The following GRM7 variants were observed in gnomAD, a reference collection of about 807,000 sequenced individuals.
GRM7 encodes the protein metabotropic glutamate receptor 7.
Under a neutral mutation model 84.5 loss-of-function variants are expected in GRM7, and 35 were observed. That is an observed-to-expected ratio of 0.41 (90% CI 0.32 to 0.55). The LOEUF is 0.55. Among genes scored for constraint, GRM7 ranks in the 20% least tolerant of loss-of-function variants. GRM7 has a pLI of 0.19. For synonymous variants in GRM7, 487 were observed against 455.1 expected (o/e 1.07, Z -0.89); for missense variants, 1,003 against 1,194.6 (o/e 0.84, Z 2.36).
chr3:7,271,420 G>A (rs990373665), intron 2 of GRM7, among the ~76,000 whole-genome samples: 4 of 151,820 alleles, frequency 2.6e-5, no homozygotes, highest in Non-Finnish European at 4.4e-5. Context: ...TTAGCCGGGC[G>A]TGGTGGCGGG....
intron 2 of GRM7, among the ~76,000 whole-genome samples, chr3:7,253,478 A>G (rs772894476): frequency 1.3e-5 from 2 of 151,832 alleles, no homozygotes; most frequent in African/African-American, 2.4e-5. Flanking sequence ...TTAGCCAGGC[A>G]TGGTGGTGGG....
intron 2 of GRM7, among the ~76,000 whole-genome samples, chr3:7,298,378 C>T (rs1246207511): frequency 6.6e-5 from 10 of 152,124 alleles, no homozygotes; most frequent in African/African-American, 2.4e-4. Context: ...CCTTCTTCAA[C>T]CCAGCCACTT....
intron 7 of GRM7, among the ~76,000 whole-genome samples, chr3:7,540,328 C>T (rs1224124744): frequency 6.6e-6 from 1 of 152,084 alleles, no homozygotes; most frequent in Non-Finnish European, 1.5e-5. Flanking sequence ...GGAAATTACC[C>T]AGTTGTTCAT....
chr3:7,349,169 T>A (rs2125088922), intron 4 of GRM7, among the ~76,000 whole-genome samples: 1 of 152,280 alleles, frequency 6.6e-6, no homozygotes, highest in Admixed American at 6.5e-5. Flanking sequence ...TCTGTCAGCT[T>A]AGCTCGTCAC....
intron 2 of GRM7, among the ~76,000 whole-genome samples, chr3:7,290,255 CAG>C (rs1458184286): frequency 2.0e-5 from 3 of 152,150 alleles, no homozygotes; most frequent in African/African-American, 7.2e-5. Context: ...AGCTCTGATG[CAG>C]AGTTGCTCAA....
chr3:6,865,939 A>C (rs919071205), intron 1 of GRM7, among the ~76,000 whole-genome samples: 7 of 152,116 alleles, frequency 4.6e-5, no homozygotes, highest in Non-Finnish European at 7.3e-5. Flanking sequence ...CTCCACATTT[A>C]CTGTGTTTTA....
chr3:7,090,643 T>A (rs1698628634), intron 1 of GRM7, among the ~76,000 whole-genome samples: 1 of 152,170 alleles, frequency 6.6e-6, no homozygotes, highest in African/African-American at 2.4e-5. Context: ...TTGATAGTAT[T>A]CCTGGCCAAA....
At chr3:7,706,248 A>C (rs1277073294) in intron 9 of GRM7, among the ~76,000 whole-genome samples, 1 of 152,184 alleles carries the variant, frequency 6.6e-6, no homozygotes, top group Non-Finnish European at 1.5e-5. Context: ...ACTTATCCAT[A>C]CTATGGAGTA....
At chr3:7,263,584 A>G (rs1050126451) in intron 2 of GRM7, among the ~76,000 whole-genome samples, 3 of 152,166 alleles carry the variant, frequency 2.0e-5, no homozygotes, top group African/African-American at 7.2e-5. Flanking sequence ...TCATGTTAGC[A>G]TGAGGGTGGG....
chr3:7,085,524 A>C (rs974098780), intron 1 of GRM7, among the ~76,000 whole-genome samples: 10 of 152,260 alleles, frequency 6.6e-5, no homozygotes, highest in African/African-American at 2.4e-4. Context: ...TGTTTCGATG[A>C]TCTAGAGCTT....
intron 1 of GRM7, among the ~76,000 whole-genome samples, chr3:7,109,624 G>A (rs1403863325): frequency 2.0e-5 from 3 of 151,992 alleles, no homozygotes; most frequent in Admixed American, 6.6e-5. Context: ...CCATTGTTCC[G>A]GTCCAGCATG....
At chr3:7,274,971 A>G (rs182742539) in intron 2 of GRM7, among the ~76,000 whole-genome samples, 4 of 151,788 alleles carry the variant, frequency 2.6e-5, no homozygotes, top group East Asian at 3.9e-4. Flanking sequence ...TGGATATTCT[A>G]TTTTGCTCTT....
At chr3:7,414,988 C>T (rs712774) in intron 4 of GRM7, 35 bp from the exon 5 acceptor site, 1,126,482 of 1,558,222 alleles carry the variant, frequency 0.72, 410,241 homozygotes, top group African/African-American at 0.83. Context: ...AGCAGTGCCC[C>T]GCAAGCAATG....
At chr3:6,993,761 A>G (rs773085217) in intron 1 of GRM7, among the ~76,000 whole-genome samples, 10 of 152,228 alleles carry the variant, frequency 6.6e-5, no homozygotes, top group Non-Finnish European at 1.2e-4. Context: ...ATGGTGTTCA[A>G]GCAAACAGGG....
chr3:7,686,300 A>G (rs1197349402), intron 9 of GRM7: 8 of 745,478 alleles, frequency 1.1e-5, no homozygotes, highest in Non-Finnish European at 1.9e-5. Flanking sequence ...AATAATAAAA[A>G]GTAATATTGT....
intron 1 of GRM7, among the ~76,000 whole-genome samples, chr3:7,106,566 T>C (rs1338047242): frequency 1.3e-5 from 2 of 151,968 alleles, no homozygotes; most frequent in Non-Finnish European, 2.9e-5. Context: ...AATCAACAAA[T>C]GAATAATGGC....
At chr3:7,561,389 C>G in intron 7 of GRM7, 1 of 351,208 alleles carries the variant, frequency 2.8e-6, no homozygotes, top group Non-Finnish European at 5.8e-6. Context: ...AGGTGTTTCT[C>G]ATGTCTGTAT....
chr3:7,175,695 T>G (rs1453305993), intron 2 of GRM7, among the ~76,000 whole-genome samples: 2 of 152,008 alleles, frequency 1.3e-5, no homozygotes, highest in Non-Finnish European at 2.9e-5. Context: ...GTGCCATCAC[T>G]CCTAGCTAAT....
At chr3:7,679,290 G>A (rs902647355) in intron 8 of GRM7, among the ~76,000 whole-genome samples, 1 of 152,192 alleles carries the variant, frequency 6.6e-6, no homozygotes, top group Non-Finnish European at 1.5e-5. Flanking sequence ...GGAACCCTGG[G>A]AAGGCAAGAC....
Sources: allele counts gnomAD v4.1 joint callset (sites outside exome capture counted in the v4.1 genomes callset), GRCh38; gene constraint gnomAD v4.1.1; transcripts MANE v1.5; gene names NCBI Gene and HGNC (gene_info 2026-07-23, HGNC 2026-07-21).